The following VTI1A variants were observed in gnomAD, a reference collection of about 807,000 sequenced individuals.
VTI1A encodes vesicle transport through interaction with t-SNAREs homolog 1A.
A neutral mutation model predicts 34.9 loss-of-function variants in VTI1A; 22 were observed. The ratio of observed to expected loss-of-function variants is 0.63; its 90% CI spans 0.45 to 0.90. The LOEUF (loss-of-function observed/expected upper bound fraction) is 0.90, where lower values mean the gene tolerates loss of function less well. VTI1A is among the 40% of genes least tolerant of loss of function. The probability of loss-of-function intolerance (pLI) is 0.00; values close to 1 mark genes in which losing one functional copy is unlikely to be tolerated. For synonymous variants in VTI1A, 87 were observed against 97.3 expected (o/e 0.89, Z 0.62); for missense variants, 268 against 275.6 (o/e 0.97, Z 0.20).
chr10:112,527,442 C>T (rs898705717), intron 4 of VTI1A: 6 of 226,150 alleles, frequency 2.7e-5, no homozygotes, highest in Non-Finnish European at 5.2e-5. Flanking sequence ...TGAAACACAC[C>T]GTTTGCAGAC....
intron 3 of VTI1A, among the ~76,000 whole-genome samples, chr10:112,486,210 G>A (rs1482793656): frequency 6.6e-6 from 1 of 152,166 alleles, no homozygotes; most frequent in Non-Finnish European, 1.5e-5. Context: ...GACAGCAATG[G>A]GGTGGACTGG....
At chr10:112,727,426 G>GA (rs35628341) in intron 7 of VTI1A, among the ~76,000 whole-genome samples, 2,808 of 150,996 alleles carry the variant, frequency 0.019, 58 homozygotes, top group Non-Finnish European at 0.027. Context: ...ACCCTGCAGG[G>GA]AAAAAAAAAA....
At chr10:112,835,044 G>C in the VTI1A span, among the ~76,000 whole-genome samples, 2 of 152,062 alleles carry the variant, frequency 1.3e-5, no homozygotes, top group Admixed American at 1.3e-4. Context: ...AAAAAAAAAT[G>C]GCATGTCTGA....
chr10:112,465,079 A>G (rs1847854081), intron 3 of VTI1A, among the ~76,000 whole-genome samples: 1 of 151,996 alleles, frequency 6.6e-6, no homozygotes, highest in African/African-American at 2.4e-5. Context: ...TTTCCCTGGG[A>G]TAAACTCCAT....
chr10:112,474,732 C>T (rs1365497840), intron 3 of VTI1A, among the ~76,000 whole-genome samples: 2 of 152,226 alleles, frequency 1.3e-5, no homozygotes, highest in African/African-American at 4.8e-5. Flanking sequence ...GCTGGGATTA[C>T]AGGCATGAGC....
intron 5 of VTI1A, among the ~76,000 whole-genome samples, chr10:112,586,808 C>T (rs765177985): frequency 7.9e-5 from 12 of 152,152 alleles, no homozygotes; most frequent in Non-Finnish European, 1.8e-4. Context: ...TCCAACATCT[C>T]CATTTTGCAC....
chr10:112,597,757 G>A (rs967915379), intron 5 of VTI1A, among the ~76,000 whole-genome samples: 1 of 142,404 alleles, frequency 7.0e-6, no homozygotes, highest in Admixed American at 7.2e-5. Flanking sequence ...GAGTGCAGTG[G>A]CGCGACCTCG....
chr10:112,457,243 AG>A (rs1399427622), intron 1 of VTI1A, among the ~76,000 whole-genome samples: 1 of 152,180 alleles, frequency 6.6e-6, no homozygotes, highest in Non-Finnish European at 1.5e-5. Context: ...TAAATGGGAG[AG>A]GGGGCAGGGA....
chr10:112,508,337 C>T (rs1849500964), intron 3 of VTI1A, among the ~76,000 whole-genome samples: 1 of 152,150 alleles, frequency 6.6e-6, no homozygotes, highest in African/African-American at 2.4e-5. Flanking sequence ...TCTTTGTCAC[C>T]TTCACCAAGT....
Position 112,641,413 on chromosome 10 carries a change from G to A in VTI1A, c.428-26805G>A, listed in dbSNP as rs1325942001. Among the ~76,000 whole-genome samples the A allele has an allele frequency of 4.6e-5, 7 of 152,206 alleles. No homozygotes were observed. The East Asian group carries it at 7.7e-4, about 17-fold the overall frequency. On this transcript the variant is annotated intron_variant, in intron 5 of 7. Coordinates refer to ENST00000393077, the MANE Select transcript of VTI1A (RefSeq NM_145206.4). Reference sequence around the variant, plus strand: ...GGTTGAGGACCTTTCCCCACTCGCCGCGGCTAGGAAACTGGGGGATTTGGA... The same window carrying A: ...GGTTGAGGACCTTTCCCCACTCGCCACGGCTAGGAAACTGGGGGATTTGGA...
intron 5 of VTI1A, among the ~76,000 whole-genome samples, chr10:112,615,642 G>A (rs534658231): frequency 2.6e-5 from 4 of 152,302 alleles, no homozygotes; most frequent in Admixed American, 1.3e-4. Context: ...AGTCCAAAGG[G>A]CTGTTAAAGT....
At chr10:112,699,514 A>G (rs12252633) in intron 7 of VTI1A, among the ~76,000 whole-genome samples, 7,274 of 152,328 alleles carry the variant, frequency 0.048, 279 homozygotes, top group Non-Finnish European at 0.066. Context: ...AATGTGTTTT[A>G]GCCATCTTTT....
intron 5 of VTI1A, among the ~76,000 whole-genome samples, chr10:112,591,722 G>A (rs1844398228): frequency 1.3e-5 from 2 of 152,156 alleles, no homozygotes; most frequent in African/African-American, 4.8e-5. Context: ...TGATCATCCT[G>A]CAGATTACCT....
chr10:112,725,179 T>C lies in VTI1A; in HGVS notation c.560+56181T>C, dbSNP rs555459838. ...ATATCTATTGCATTTGGTTGATCTGTCTTTAAACGTTCTTTAATCTATTAC... is the reference window on the plus strand; with the variant it reads ...ATATCTATTGCATTTGGTTGATCTGCCTTTAAACGTTCTTTAATCTATTAC... On this transcript the variant is annotated intron_variant, in intron 7 of 7. Coordinates refer to ENST00000393077, the MANE Select transcript of VTI1A (RefSeq NM_145206.4). 7.2e-5 allele frequency among the ~76,000 whole-genome samples: 11 copies of C among 152,370 alleles called. No homozygotes were observed. In the South Asian group the frequency reaches 1.7e-3, roughly 23 times the overall value.
intron 3 of VTI1A, among the ~76,000 whole-genome samples, chr10:112,523,665 A>G (rs1450395146): frequency 6.6e-6 from 1 of 152,100 alleles, no homozygotes; most frequent in African/African-American, 2.4e-5. Flanking sequence ...AGTAGATTAC[A>G]AACTGCATAG....
chr10:112,581,091 G>A (rs772683787), intron 5 of VTI1A, among the ~76,000 whole-genome samples: 4 of 152,134 alleles, frequency 2.6e-5, no homozygotes, highest in Non-Finnish European at 5.9e-5. Flanking sequence ...AGTGGGCTCC[G>A]CATGCCTTCT....
At chr10:112,484,838 A>G (rs897932757) in intron 3 of VTI1A, 5 of 151,484 alleles carry the variant, frequency 3.3e-5, no homozygotes, top group African/African-American at 1.2e-4. Flanking sequence ...TTCCAATGAA[A>G]AAGTTGCATC....
rs978504171 is a variant in VTI1A at position 112,767,296 on chromosome 10, A to C, written c.561-47994A>C. On this transcript the variant is annotated intron_variant, in intron 7 of 7. Coordinates refer to ENST00000393077, the MANE Select transcript of VTI1A (RefSeq NM_145206.4). This position sits in a 1 kb window ranked among gnomAD's most constrained non-coding sequence, Gnocchi z 4.0. ...GATGGTAAGGCCAAGGCCCAAAGTCATGAACTAGTAAGTGGAGATCCTGGA... is the reference window on the plus strand; with the variant it reads ...GATGGTAAGGCCAAGGCCCAAAGTCCTGAACTAGTAAGTGGAGATCCTGGA... Among the ~76,000 whole-genome samples, 4 of 152,206 alleles carry C rather than the reference A, an allele frequency of 2.6e-5. No individual in the cohort carries two copies. Among genetic ancestry groups the C allele is most frequent in the African/African-American group, 7.2e-5 (3 of 41,448 alleles).
intron 5 of VTI1A, among the ~76,000 whole-genome samples, chr10:112,624,227 T>C (rs1288442621): frequency 6.6e-6 from 1 of 152,132 alleles, no homozygotes. Context: ...CAATACTAAA[T>C]GGAATATGGA....
Sources: allele counts gnomAD v4.1 joint callset (sites outside exome capture counted in the v4.1 genomes callset), GRCh38; gene constraint gnomAD v4.1.1; non-coding constraint Gnocchi (gnomAD v3.1); transcripts MANE v1.5; gene names NCBI Gene and HGNC (gene_info 2026-07-23, HGNC 2026-07-21).